ZDHHC14: variants seen among roughly 807,000 people sequenced by gnomAD.
ZDHHC14 encodes palmitoyltransferase ZDHHC14.
ZDHHC14 carries 16 observed loss-of-function variants against 47.7 expected under a neutral mutation model. The observed-to-expected ratio is 0.34, with a 90% CI of 0.23 to 0.51. ZDHHC14 has a LOEUF of 0.51. Ranked by LOEUF, ZDHHC14 falls within the 20% of genes least tolerant of loss-of-function variation. The probability of loss-of-function intolerance (pLI) is 0.97; values close to 1 mark genes in which losing one functional copy is unlikely to be tolerated. For missense variants in ZDHHC14, 515 were observed against 662.5 expected (o/e 0.78, Z 2.44); for synonymous variants, 293 against 278.9 (o/e 1.05, Z -0.50).
chr6:157,629,661 A>G (rs1233608051), intron 4 of ZDHHC14: 4 of 152,162 alleles, frequency 2.6e-5, no homozygotes, highest in Admixed American at 1.3e-4. Flanking sequence ...TCTGACTATA[A>G]TCTTTCATCC....
At chr6:157,400,141 C>T (rs930072776) in intron 1 of ZDHHC14, among the ~76,000 whole-genome samples, 7 of 152,192 alleles carry the variant, frequency 4.6e-5, no homozygotes, top group Non-Finnish European at 1.0e-4. Context: ...CCTGCTGCTT[C>T]CCTGGACCTT....
At chr6:157,618,262 G>T (rs371889058) in intron 3 of ZDHHC14, among the ~76,000 whole-genome samples, 13 of 152,040 alleles carry the variant, frequency 8.6e-5, no homozygotes, top group African/African-American at 3.1e-4. Context: ...GGTGGAGAAT[G>T]ACCGAAGACC....
chr6:157,592,833 A>G, intron 2 of ZDHHC14, 155 bp from the exon 3 acceptor site: 1 of 1,448,262 alleles, frequency 6.9e-7, no homozygotes, highest in Non-Finnish European at 9.1e-7. Flanking sequence ...GCGGAGGGTG[A>G]GTCCCAGAGC....
intron 2 of ZDHHC14, among the ~76,000 whole-genome samples, chr6:157,558,565 A>G (rs529339159): frequency 6.6e-6 from 1 of 152,332 alleles, no homozygotes; most frequent in South Asian, 2.1e-4. Context: ...AAGAAAAGCA[A>G]TGGCCCATCA....
At position 157,502,148 on chromosome 6, in the gene ZDHHC14, G is replaced by A. The variant is rs1270318652; in HGVS notation, c.246-40437G>A. 2.0e-5 allele frequency among the ~76,000 whole-genome samples: 3 copies of A among 152,204 alleles called. No homozygotes were observed. Among genetic ancestry groups the A allele is most frequent in the Admixed American group, 6.5e-5 (1 of 15,284 alleles). On this transcript the variant is annotated intron_variant, in intron 1 of 8. Transcript: ENST00000359775. This position sits in a 1 kb window ranked among gnomAD's most constrained non-coding sequence, Gnocchi z 4.0. ...TAGATGTCTTTCTCAGGGCCCACAG[G>A]AGTAACCAGCAGGACCAGTGGTCAC... is the stretch of plus-strand genomic sequence containing the variant.
At chr6:157,558,914 C>T (rs1782589102) in intron 2 of ZDHHC14, among the ~76,000 whole-genome samples, 1 of 151,992 alleles carries the variant, frequency 6.6e-6, no homozygotes, top group South Asian at 2.1e-4. Context: ...AGCTGCTCAG[C>T]CCCCAACCTC....
At chr6:157,454,746 A>G (rs1360659500) in intron 1 of ZDHHC14, among the ~76,000 whole-genome samples, 2 of 152,230 alleles carry the variant, frequency 1.3e-5, no homozygotes, top group Non-Finnish European at 2.9e-5. Context: ...CTTTTAGCAC[A>G]TAAAAAGCAT....
chr6:157,651,730 G>T (rs1330521243), intron 7 of ZDHHC14, among the ~76,000 whole-genome samples: 2 of 152,120 alleles, frequency 1.3e-5, no homozygotes, highest in Non-Finnish European at 2.9e-5. Context: ...CATCACGCCT[G>T]GCTAATTTTT....
intron 1 of ZDHHC14, among the ~76,000 whole-genome samples, chr6:157,417,778 C>A (rs1778012091): frequency 1.3e-5 from 2 of 152,146 alleles, no homozygotes; most frequent in African/African-American, 2.4e-5. Context: ...TGTGGTGAAA[C>A]CCCGTCTCTA....
At chr6:157,542,825 T>C in intron 2 of ZDHHC14, 80 bp downstream of exon 2, 3 of 1,513,172 alleles carry the variant, frequency 2.0e-6, no homozygotes, top group Non-Finnish European at 2.7e-6. Context: ...GGCCGAGGGC[T>C]GTGCAGGAGG....
chr6:157,455,075 T>C (rs1354553077), intron 1 of ZDHHC14, among the ~76,000 whole-genome samples: 1 of 152,218 alleles, frequency 6.6e-6, no homozygotes, highest in African/African-American at 2.4e-5. Flanking sequence ...TGTGGCCTGA[T>C]GTTTCCTGGG....
chr6:157,400,420 C>T (rs1047783586), intron 1 of ZDHHC14, among the ~76,000 whole-genome samples: 5 of 152,174 alleles, frequency 3.3e-5, no homozygotes, highest in Admixed American at 3.3e-4. Flanking sequence ...AAAGGGTGAC[C>T]TACACCCTCT....
chr6:157,607,390 T>C (rs1438186005), intron 3 of ZDHHC14, among the ~76,000 whole-genome samples: 2 of 152,176 alleles, frequency 1.3e-5, no homozygotes, highest in African/African-American at 4.8e-5. Flanking sequence ...AGGCTCTTTT[T>C]TTAAAACAAA....
At chr6:157,525,875 C>G (rs1321416680) in intron 1 of ZDHHC14, among the ~76,000 whole-genome samples, 1 of 152,202 alleles carries the variant, frequency 6.6e-6, no homozygotes, top group Non-Finnish European at 1.5e-5. Context: ...TCCACCTTCC[C>G]CATCAGACTT....
chr6:157,484,304 T>C (rs200546279), intron 1 of ZDHHC14, among the ~76,000 whole-genome samples: 121 of 94,104 alleles, frequency 1.3e-3, no homozygotes, highest in Non-Finnish European at 1.6e-3. Context: ...TATATATATA[T>C]ACATATATAT....
chr6:157,396,870 G>C (rs1777532992), intron 1 of ZDHHC14, among the ~76,000 whole-genome samples: 1 of 152,290 alleles, frequency 6.6e-6, no homozygotes, highest in African/African-American at 2.4e-5. Flanking sequence ...AAGATAGGAA[G>C]TATTGCTTTT....
intron 8 of ZDHHC14, among the ~76,000 whole-genome samples, chr6:157,656,559 C>G (rs184459286): frequency 2.4e-4 from 37 of 152,066 alleles, no homozygotes; most frequent in Admixed American, 1.8e-3. Flanking sequence ...TGGTCTGAAG[C>G]TCCTGGCCTC....
intron 1 of ZDHHC14, among the ~76,000 whole-genome samples, chr6:157,417,481 G>A (rs1275489978): frequency 6.6e-6 from 1 of 152,138 alleles, no homozygotes; most frequent in Non-Finnish European, 1.5e-5. Flanking sequence ...AATATGGATG[G>A]ACCCTAATTT....
At chr6:157,491,034 G>A (rs902923675) in intron 1 of ZDHHC14, among the ~76,000 whole-genome samples, 3 of 152,166 alleles carry the variant, frequency 2.0e-5, no homozygotes, top group African/African-American at 4.8e-5. Context: ...GTGCCCGGAG[G>A]GCCTGAGATG....
Sources: gnomAD v4.1 joint callset for allele counts (sites outside exome capture counted in the v4.1 genomes callset) on GRCh38, gnomAD v4.1.1 for gene constraint, Gnocchi (gnomAD v3.1) non-coding constraint, MANE v1.5 for transcripts, NCBI Gene and HGNC (gene_info 2026-07-23, HGNC 2026-07-21) for gene names.